The following P4HA2 variants were observed in gnomAD, a reference collection of about 807,000 sequenced individuals.
P4HA2 encodes prolyl 4-hydroxylase subunit alpha-2.
In P4HA2, 46 loss-of-function variants were observed where a neutral mutation model predicts 76.9. The observed-to-expected ratio is 0.60, with a 90% CI of 0.47 to 0.76. The LOEUF (loss-of-function observed/expected upper bound fraction) is 0.76, where lower values mean the gene tolerates loss of function less well. Ranked by LOEUF, P4HA2 falls within the 30% of genes least tolerant of loss-of-function variation. P4HA2 has a pLI of 0.00. For synonymous variants in P4HA2, 243 were observed against 254.0 expected (o/e 0.96, Z 0.41); for missense variants, 583 against 669.4 (o/e 0.87, Z 1.42).
Position 132,190,241 on chromosome 5 carries a change from A to C in P4HA2, c.*2769T>G, listed in dbSNP as rs182327316. ...AAAGTCTCAAACAGGAAAAGAAAAA[A>C]CCTACAAACAAACCACCTAGTGTGC... is the stretch of plus-strand genomic sequence containing the variant. On this transcript the variant is annotated 3_prime_UTR_variant, in exon 15 of 15. Coordinates refer to ENST00000360568, the MANE Select transcript of P4HA2 (RefSeq NM_001017974.2). 9.8e-4 allele frequency among the ~76,000 whole-genome samples: 149 copies of C among 152,350 alleles called. No homozygotes were observed. The highest frequency in any genetic ancestry group is 3.1e-3 in the African/African-American group (131 of 41,588).
At chr5:132,197,718 C>T (rs2126538471) in intron 12 of P4HA2, among the ~76,000 whole-genome samples, 1 of 150,660 alleles carries the variant, frequency 6.6e-6, no homozygotes, top group African/African-American at 2.4e-5. Context: ...AGTGTTAATA[C>T]TTTGATTCCA....
chr5:132,202,940 C>T (rs1033143191), intron 10 of P4HA2: 3 of 152,258 alleles, frequency 2.0e-5, no homozygotes, highest in African/African-American at 7.2e-5. Flanking sequence ...CCCTTGACAG[C>T]TCTGTGACCC....
chr5:132,203,665 G>T, intron 10 of P4HA2, 83 bp downstream of exon 10: 1 of 834,662 alleles, frequency 1.2e-6, no homozygotes, highest in Non-Finnish European at 2.0e-6. Context: ...TGGGCCTCTT[G>T]GCCCAGTTCT....
chr5:132,215,850 TAAAAAAAAAAAAAAAAA>T (rs539378974), intron 4 of P4HA2, among the ~76,000 whole-genome samples: 1 of 81,910 alleles, frequency 1.2e-5, no homozygotes, highest in Non-Finnish European at 2.2e-5. Flanking sequence ...CCTGTCCCTT[TAAAAAAAAAAAAAAAAA>T]AAAAAAAAAA....
chr5:132,213,667 G>A (rs1023844434), intron 5 of P4HA2, among the ~76,000 whole-genome samples: 8 of 152,190 alleles, frequency 5.3e-5, no homozygotes, highest in African/African-American at 1.9e-4. Context: ...GGGGGTTCCT[G>A]AGCAGCAACT....
At chr5:132,215,850 TAAAAAAAAAA>T (rs539378974) in intron 4 of P4HA2, among the ~76,000 whole-genome samples, 1 of 81,910 alleles carries the variant, frequency 1.2e-5, no homozygotes, top group African/African-American at 5.1e-5. Flanking sequence ...CCTGTCCCTT[TAAAAAAAAAA>T]AAAAAAAAAA....
At chr5:132,213,618 G>A (rs1753411873) in intron 5 of P4HA2, among the ~76,000 whole-genome samples, 7 of 152,224 alleles carry the variant, frequency 4.6e-5, no homozygotes, top group Admixed American at 4.6e-4. Context: ...AAGCAGGTCT[G>A]AATGCAGATC....
Position 132,218,542 on chromosome 5 carries a change from T to C in P4HA2, c.82+3A>G, listed in dbSNP as rs1754236366. 1 of 1,606,972 alleles carries C rather than the reference T, an allele frequency of 6.2e-7. No individual in the cohort carries two copies. Among genetic ancestry groups the C allele is most frequent in the African/African-American group, 1.3e-5 (1 of 74,734 alleles). On this transcript the variant is annotated splice_donor_region_variant and intron_variant, in intron 2 of 14. Coordinates refer to ENST00000360568, the MANE Select transcript of P4HA2 (RefSeq NM_001017974.2). Reference sequence around the variant, plus strand: ...GGGAGACGACAGTCCTGTTGGCACGTACCAATAGAGGTGAAGAATTCGGCC... The same window carrying C: ...GGGAGACGACAGTCCTGTTGGCACGCACCAATAGAGGTGAAGAATTCGGCC...
At chr5:132,217,397 C>A in intron 3 of P4HA2, 49 bp from the exon 4 acceptor site, 2 of 1,578,438 alleles carry the variant, frequency 1.3e-6, no homozygotes, top group South Asian at 2.3e-5. Flanking sequence ...CCACATAGGT[C>A]TTGACCTGTG....
At chr5:132,204,350 G>A (rs1415534400) in intron 8 of P4HA2, among the ~76,000 whole-genome samples, 198 bp from the exon 9 acceptor site, 1 of 152,134 alleles carries the variant, frequency 6.6e-6, no homozygotes, top group South Asian at 2.1e-4. Context: ...TTCCCAATCC[G>A]CAATCAGTTC....
At position 132,198,899 on chromosome 5, in the gene P4HA2, G is replaced by A. The variant is rs1179468175; in HGVS notation, c.1285C>T (p.Pro429Ser). The A allele has an allele frequency of 6.2e-7, 1 of 1,612,704 alleles. No individual in the cohort carries two copies. The highest frequency in any genetic ancestry group is 1.7e-5 in the Admixed American group (1 of 60,020). Residue 429 changes from proline (P) to serine (S), a missense_variant, in exon 11 of 15, where the codon CCG becomes TCG. Coordinates refer to ENST00000360568, the MANE Select transcript of P4HA2 (RefSeq NM_001017974.2). Reference sequence around the variant, plus strand: ...CTTACCCTAGAGAAGTCGAAGTGCGGTTCATACTGTCCTCCCACTCCATAA... The same window carrying A: ...CTTACCCTAGAGAAGTCGAAGTGCGATTCATACTGTCCTCCCACTCCATAA... ...ANYGVGGQYE[P>S]HFDFSRRPFD...
At chr5:132,215,850 T>TAAAAAAAAAA (rs539378974) in intron 4 of P4HA2, among the ~76,000 whole-genome samples, 1 of 81,910 alleles carries the variant, frequency 1.2e-5, no homozygotes, top group Non-Finnish European at 2.2e-5. Flanking sequence ...CCTGTCCCTT[T>TAAAAAAAAAA]AAAAAAAAAA....
chr5:132,207,416 C>G (rs560014132), intron 8 of P4HA2, among the ~76,000 whole-genome samples: 33 of 152,288 alleles, frequency 2.2e-4, no homozygotes, highest in African/African-American at 5.5e-4. Flanking sequence ...ACCCACGCAC[C>G]AGTCTCCCAA....
In P4HA2 at chr5:132,216,162, C is replaced by CAAAAAAA. The variant is rs5871448; in HGVS notation, c.331+1028_331+1034dup. 2.7e-4 allele frequency among the ~76,000 whole-genome samples: 17 copies of CAAAAAAA among 63,134 alleles called. 2 individuals are homozygous for CAAAAAAA. Among genetic ancestry groups the CAAAAAAA allele is most frequent in the Admixed American group, 4.6e-4 (2 of 4,344 alleles). 41.4% of individuals were successfully genotyped at this position (63,134 alleles called of 152,430 possible). On this transcript the variant is annotated intron_variant, in intron 4 of 14. Transcript: ENST00000360568. ...CTGGTGACAGAGTGAGACTCAGTCT[C>CAAAAAAA]AAAAAAAAAAAAAAAAAAAAAAAAA...
Position 132,209,125 on chromosome 5 carries a change from TC to T in P4HA2, c.903+12del. On this transcript the variant is annotated intron_variant, in intron 7 of 14. Coordinates refer to ENST00000360568, the MANE Select transcript of P4HA2 (RefSeq NM_001017974.2). ...CCACAGCTTTGGCACCCTAGCCCCC[TC>T]ACACATCTCACCAGTTTGACACCCT... is the stretch of plus-strand genomic sequence containing the variant. 1 of 1,602,936 alleles carries T rather than the reference TC, an allele frequency of 6.2e-7. No individual in the cohort carries two copies. The highest frequency in any genetic ancestry group is 8.5e-7 in the Non-Finnish European group (1 of 1,173,178).
intron 1 of P4HA2, among the ~76,000 whole-genome samples, chr5:132,223,840 A>G (rs944991930): frequency 2.0e-5 from 3 of 152,238 alleles, no homozygotes; most frequent in Non-Finnish European, 1.5e-5. Context: ...CAGCAAATCA[A>G]TGACAGAACC....
chr5:132,210,634 A>T, intron 5 of P4HA2, 111 bp from the exon 6 acceptor site: 1 of 1,033,592 alleles, frequency 9.7e-7, no homozygotes, highest in African/African-American at 1.6e-5. Flanking sequence ...CACCAAGCAG[A>T]ACTCCATCGG....
At chr5:132,195,737 C>G (rs1049121544) in intron 12 of P4HA2, 24 of 543,782 alleles carry the variant, frequency 4.4e-5, no homozygotes, top group Admixed American at 1.6e-4. Context: ...TCCGGGCTGT[C>G]CCTGGATGAA....
chr5:132,213,284 G>A (rs996491060), intron 5 of P4HA2, among the ~76,000 whole-genome samples: 31 of 152,278 alleles, frequency 2.0e-4, no homozygotes, highest in African/African-American at 6.7e-4. Context: ...CAGTGACAGT[G>A]GGGAAAAAGG....
Sources: gnomAD v4.1 joint callset for allele counts (sites outside exome capture counted in the v4.1 genomes callset) on GRCh38, gnomAD v4.1.1 for gene constraint, MANE v1.5 for transcripts, NCBI Gene and HGNC (gene_info 2026-07-23, HGNC 2026-07-21) for gene names.